The following SSBP2 variants were observed in gnomAD, a reference collection of about 807,000 sequenced individuals.
The protein encoded by SSBP2 is single stranded DNA binding protein 2.
A neutral mutation model predicts 61.8 loss-of-function variants in SSBP2; 17 were observed. The ratio of observed to expected loss-of-function variants is 0.28; its 90% CI spans 0.19 to 0.41. SSBP2 has a LOEUF of 0.41. Among genes scored for constraint, SSBP2 ranks in the 10% least tolerant of loss-of-function variants. SSBP2 has a pLI of 1.00. For missense variants in SSBP2, 310 were observed against 458.7 expected, an observed-to-expected ratio of 0.68 and a Z score of 2.96; for synonymous variants, 139 against 141.3, an observed-to-expected ratio of 0.98 and a Z score of 0.12.
At chr5:81,515,383 T>TA (rs1257211440) in intron 4 of SSBP2, among the ~76,000 whole-genome samples, 8 of 151,856 alleles carry the variant, frequency 5.3e-5, no homozygotes, top group Admixed American at 6.6e-5. Context: ...AAAGACATAT[T>TA]AAAAAAGACA....
rs143437141 is a variant in SSBP2, at chr5:81,722,568, C to T, written c.62+28413G>A. Among the ~76,000 whole-genome samples the T allele has an allele frequency of 4.5e-3, 682 of 151,960 alleles. 8 individuals carry two copies. Among genetic ancestry groups the T allele is most frequent in the African/African-American group, 0.016 (648 of 41,510 alleles). The stretch of plus-strand genomic sequence containing the variant: ...CTGGAAACATTCAGATAATACCTAG[C>T]CAATGAAGATCCTAAGATTATTGCA... On this transcript the variant is annotated intron_variant, in intron 1 of 16. Transcript: ENST00000320672.
intron 16 of SSBP2, among the ~76,000 whole-genome samples, chr5:81,422,496 C>T (rs1424500529): frequency 1.3e-5 from 2 of 152,056 alleles, no homozygotes; most frequent in East Asian, 1.9e-4. Flanking sequence ...ATTGTTTAAT[C>T]CTATAAACAT....
intron 1 of SSBP2, among the ~76,000 whole-genome samples, chr5:81,667,877 T>C (rs1020288803): frequency 1.3e-5 from 2 of 152,194 alleles, no homozygotes; most frequent in African/African-American, 4.8e-5. Context: ...TAGTAGGTTA[T>C]AGGTCTAATT....
At chr5:81,631,432 A>C (rs1257941271) in intron 3 of SSBP2, among the ~76,000 whole-genome samples, 1 of 151,760 alleles carries the variant, frequency 6.6e-6, no homozygotes, top group Non-Finnish European at 1.5e-5. Context: ...CTAAGAGACG[A>C]GTGTAAACCG....
At chr5:81,704,672 T>C (rs1754235537) in intron 1 of SSBP2, among the ~76,000 whole-genome samples, 1 of 151,742 alleles carries the variant, frequency 6.6e-6, no homozygotes, top group South Asian at 2.1e-4. Context: ...GGCGCGCACC[T>C]TTAGTCCCAG....
chr5:81,478,352 T>A (rs1031846761), intron 6 of SSBP2, among the ~76,000 whole-genome samples: 3 of 151,914 alleles, frequency 2.0e-5, no homozygotes, highest in Non-Finnish European at 2.9e-5. Context: ...TTATTTATTT[T>A]TTTTCTGATA....
chr5:81,731,444 T>A (rs1315413397), intron 1 of SSBP2, among the ~76,000 whole-genome samples: 1 of 152,252 alleles, frequency 6.6e-6, no homozygotes, highest in East Asian at 1.9e-4. Flanking sequence ...TGGAAAAATA[T>A]CTTTACTTAT....
intron 1 of SSBP2, among the ~76,000 whole-genome samples, chr5:81,665,650 T>C (rs1050844527): frequency 1.3e-5 from 2 of 152,114 alleles, no homozygotes; most frequent in African/African-American, 4.8e-5. Context: ...CCAGGCACCA[T>C]GTCTGGCTAA....
chr5:81,677,733 A>C (rs1199959390), intron 1 of SSBP2, among the ~76,000 whole-genome samples: 1 of 152,036 alleles, frequency 6.6e-6, no homozygotes, highest in African/African-American at 2.4e-5. Context: ...TTGCCACAGC[A>C]TACTCTGGCT....
At chr5:81,581,695 GGAA>G (rs1191216721) in intron 4 of SSBP2, among the ~76,000 whole-genome samples, 1 of 152,060 alleles carries the variant, frequency 6.6e-6, no homozygotes, top group East Asian at 1.9e-4. Flanking sequence ...AAAAAAACTA[GGAA>G]GAATAGTCTT....
chr5:81,530,317 C>G (rs1160531108), intron 4 of SSBP2, among the ~76,000 whole-genome samples: 1 of 152,092 alleles, frequency 6.6e-6, no homozygotes, highest in Non-Finnish European at 1.5e-5. Context: ...ATTTTCATTA[C>G]TTAGTTGAAT....
intron 1 of SSBP2, among the ~76,000 whole-genome samples, chr5:81,728,314 A>G (rs1055785276): frequency 2.6e-5 from 4 of 152,162 alleles, no homozygotes; most frequent in Non-Finnish European, 5.9e-5. Flanking sequence ...CAGTGCAATG[A>G]TTTTCAAAGT....
chr5:81,480,187 A>G (rs1350999666), intron 6 of SSBP2, among the ~76,000 whole-genome samples: 2 of 152,236 alleles, frequency 1.3e-5, no homozygotes, highest in Non-Finnish European at 2.9e-5. Context: ...GCTTCATAAA[A>G]GAATTATTTA....
At chr5:81,628,259 C>A (rs58238009) in intron 3 of SSBP2, among the ~76,000 whole-genome samples, 7,795 of 152,128 alleles carry the variant, frequency 0.051, 365 homozygotes, top group African/African-American at 0.12. Flanking sequence ...AAGGGGGAAG[C>A]CCCTTACAAA....
intron 5 of SSBP2, among the ~76,000 whole-genome samples, chr5:81,501,563 CTT>C (rs71603598): frequency 2.6e-5 from 3 of 117,376 alleles, no homozygotes; most frequent in African/African-American, 3.0e-5. Flanking sequence ...TCTTTCTTTT[CTT>C]TTTTTTTTTT....
intron 1 of SSBP2, chr5:81,710,558 G>T (rs13156146): frequency 0.4 from 145,195 of 360,962 alleles, 33,099 homozygotes; most frequent in Admixed American, 0.5. Flanking sequence ...TAATATGAGG[G>T]GCTGATAGGT....
At chr5:81,531,317 T>C (rs919611618) in intron 4 of SSBP2, among the ~76,000 whole-genome samples, 4 of 151,814 alleles carry the variant, frequency 2.6e-5, no homozygotes, top group African/African-American at 9.7e-5. Flanking sequence ...CAAAAATTTT[T>C]ACAGAGGAAA....
intron 4 of SSBP2, among the ~76,000 whole-genome samples, chr5:81,557,554 CCT>C (rs1053412837): frequency 6.6e-6 from 1 of 152,068 alleles, no homozygotes; most frequent in Non-Finnish European, 1.5e-5. Context: ...GGCTTTTTCC[CCT>C]TCACTCTGTA....
At chr5:81,687,914 A>T (rs1434706250) in intron 1 of SSBP2, among the ~76,000 whole-genome samples, 2 of 152,116 alleles carry the variant, frequency 1.3e-5, no homozygotes, top group African/African-American at 4.8e-5. Context: ...TTCAGGTGCG[A>T]CCCAGCACAT....
Sources: allele counts gnomAD v4.1 joint callset (sites outside exome capture counted in the v4.1 genomes callset), GRCh38; gene constraint gnomAD v4.1.1; transcripts MANE v1.5; gene names NCBI Gene and HGNC (gene_info 2026-07-23, HGNC 2026-07-21).